The following NME7 variants were observed in gnomAD, a reference collection of about 807,000 sequenced individuals.
The protein encoded by NME7 is nucleoside diphosphate kinase 7.
Under a neutral mutation model 49.1 loss-of-function variants are expected in NME7, and 41 were observed. The ratio of observed to expected loss-of-function variants is 0.83; its 90% confidence interval spans 0.65 to 1.08. The LOEUF is 1.08. NME7 is among the 50% of genes least tolerant of loss of function. The pLI is 0.00. For missense variants in NME7, 423 were observed against 463.4 expected, an observed-to-expected ratio of 0.91 and a Z score of 0.80; for synonymous variants, 139 against 150.6, an observed-to-expected ratio of 0.92 and a Z score of 0.56.
At chr1:169,287,452 C>A (rs779012079) in intron 6 of NME7, 44 bp from the exon 7 acceptor site, 1 of 1,308,356 alleles carries the variant, frequency 7.6e-7, no homozygotes, top group African/African-American at 1.5e-5. Flanking sequence ...GATCTCTTAT[C>A]TTGAACTTAC....
At chr1:169,170,311 T>C (rs1659546017) in intron 10 of NME7, among the ~76,000 whole-genome samples, 2 of 152,056 alleles carry the variant, frequency 1.3e-5, no homozygotes, top group African/African-American at 4.8e-5. Flanking sequence ...GAGGCCAAGG[T>C]CGTAAGTGGG....
chr1:169,235,218 C>A lies in NME7; in HGVS notation c.820-19G>T, dbSNP rs1647810225. The A allele has an allele frequency of 2.9e-6, 4 of 1,396,306 alleles. No individual in the cohort carries two copies. The highest frequency in any genetic ancestry group is 3.9e-6 in the Non-Finnish European group (4 of 1,018,910). 86.5% of individuals were successfully genotyped at this position (1,396,306 alleles called of 1,614,324 possible). A position where few individuals can be genotyped will look rare whatever the true frequency, so the allele number is the denominator to read the frequency against. On this transcript the variant is annotated intron_variant, in intron 8 of 11. Coordinates refer to ENST00000367811, the MANE Select transcript of NME7 (RefSeq NM_013330.5). ...TATTGAACTATATTAAAAAATAAAA[C>A]AAAACAAAACCATAAACCAACCAAC...
At chr1:169,314,623 A>C (rs1375880427) in intron 3 of NME7, among the ~76,000 whole-genome samples, 1 of 152,138 alleles carries the variant, frequency 6.6e-6, no homozygotes, top group Non-Finnish European at 1.5e-5. Context: ...TATTTATAAA[A>C]AAATTTTTTT....
At chr1:169,325,100 C>T (rs1360904405) in intron 1 of NME7, among the ~76,000 whole-genome samples, 3 of 151,704 alleles carry the variant, frequency 2.0e-5, no homozygotes, top group Non-Finnish European at 4.4e-5. Flanking sequence ...AAGGAAAATT[C>T]CCGTAATATA....
At chr1:169,359,466 CTGTG>C (rs71557662) in intron 1 of NME7, among the ~76,000 whole-genome samples, 1 of 151,066 alleles carries the variant, frequency 6.6e-6, no homozygotes, top group Non-Finnish European at 1.5e-5. Flanking sequence ...ATATGTATCT[CTGTG>C]TGTGTGTGTA....
At position 169,303,130 on chromosome 1, in the gene NME7, A is replaced by C; in HGVS notation, c.440+15T>G. On this transcript the variant is annotated intron_variant, in intron 5 of 11. Coordinates refer to ENST00000367811, the MANE Select transcript of NME7 (RefSeq NM_013330.5). ...CCTCCTTTACATACCACTAATCCCCAAATTAAGGACCTACTTGAAAAAGGG... is the reference window on the plus strand; with the variant it reads ...CCTCCTTTACATACCACTAATCCCCCAATTAAGGACCTACTTGAAAAAGGG... 1 of 1,547,910 alleles carries C rather than the reference A, an allele frequency of 6.5e-7. No individual in the cohort carries two copies. The highest frequency in any genetic ancestry group is 1.2e-5 in the South Asian group (1 of 85,812).
intron 1 of NME7, among the ~76,000 whole-genome samples, chr1:169,334,935 CATTT>C (rs1358433306): frequency 6.6e-6 from 1 of 152,062 alleles, no homozygotes; most frequent in Non-Finnish European, 1.5e-5. Context: ...CAAAAGAAGA[CATTT>C]ATGTGGCCAA....
At chr1:169,227,231 C>A (rs181280271) in intron 10 of NME7, among the ~76,000 whole-genome samples, 5 of 152,158 alleles carry the variant, frequency 3.3e-5, no homozygotes, top group Non-Finnish European at 7.4e-5. Flanking sequence ...TCATTCCTTG[C>A]GCTGAACATT....
At chr1:169,327,508 G>T (rs1180439007) in intron 1 of NME7, among the ~76,000 whole-genome samples, 1 of 152,132 alleles carries the variant, frequency 6.6e-6, no homozygotes, top group African/African-American at 2.4e-5. Flanking sequence ...GGACAATGTG[G>T]TATTATTATA....
At chr1:169,354,057 AC>A (rs1653285944) in intron 1 of NME7, among the ~76,000 whole-genome samples, 1 of 152,112 alleles carries the variant, frequency 6.6e-6, no homozygotes, top group African/African-American at 2.4e-5. Context: ...CCGGGTCTAT[AC>A]CCAAAAGAAA....
rs1257346279 is a variant in NME7 at position 169,354,961 on chromosome 1, T to C, written c.3+12747A>G. ...ATGTATTATATATTATATATGTTTA[T>C]ATATAATATAATTATATATGTTTAT... On this transcript the variant is annotated intron_variant, in intron 1 of 11. Transcript: ENST00000367811. 1.5e-3 allele frequency among the ~76,000 whole-genome samples: 95 copies of C among 65,132 alleles called. 5 individuals carry two copies. The highest frequency in any genetic ancestry group is 5.0e-3 in the African/African-American group (90 of 17,844). The allele number at this position is 65,132 out of a possible 152,430, so 42.7% of individuals were successfully genotyped here.
chr1:169,333,263 T>G (rs1236527027), intron 1 of NME7, among the ~76,000 whole-genome samples: 1 of 151,742 alleles, frequency 6.6e-6, no homozygotes, highest in Non-Finnish European at 1.5e-5. Context: ...TGAAAAAAAA[T>G]TGAACTCATG....
intron 7 of NME7, among the ~76,000 whole-genome samples, chr1:169,279,603 G>C (rs530833547): frequency 1.3e-5 from 2 of 152,188 alleles, no homozygotes; most frequent in African/African-American, 2.4e-5. Context: ...CCCTTTCCTT[G>C]ACCAGGAAAG....
At position 169,324,421 on chromosome 1, in the gene NME7, A is replaced by G. The variant is rs780281594; in HGVS notation, c.83T>C (p.Phe28Ser). ...ASLLRRYELLFYPGDGSVEMH... is the reference protein window; with the variant it reads ...ASLLRRYELLSYPGDGSVEMH... Reference sequence around the variant, plus strand: ...TTCAACAGATCCATCCCCTGGGTAAAATAAAAGCTCATAACGTCGAAGAAG... The same window carrying G: ...TTCAACAGATCCATCCCCTGGGTAAGATAAAAGCTCATAACGTCGAAGAAG... Residue 28 changes from phenylalanine to serine, a missense_variant, in exon 2 of 12, where the codon TTT becomes TCT. Physicochemically the swap from Phe to Ser is radical, Grantham distance 155. Coordinates refer to ENST00000367811, the MANE Select transcript of NME7 (RefSeq NM_013330.5). 4.3e-6 allele frequency: 7 copies of G among 1,613,306 alleles called. No individual in the cohort carries two copies. In the Admixed American group the frequency reaches 1.2e-4, roughly 27 times the overall value.
At chr1:169,364,824 G>C (rs764692298) in intron 1 of NME7, among the ~76,000 whole-genome samples, 4 of 152,282 alleles carry the variant, frequency 2.6e-5, no homozygotes, top group Non-Finnish European at 5.9e-5. Context: ...AGCCTTGTAA[G>C]ACTAATAGAA....
chr1:169,336,703 C>G (rs1170255853), intron 1 of NME7, among the ~76,000 whole-genome samples: 1 of 151,032 alleles, frequency 6.6e-6, no homozygotes, highest in Non-Finnish European at 1.5e-5. Flanking sequence ...TCTCCAAGGC[C>G]CCACAAGAGC....
At chr1:169,143,078 C>A (rs951085795) in intron 11 of NME7, among the ~76,000 whole-genome samples, 3 of 152,050 alleles carry the variant, frequency 2.0e-5, no homozygotes, top group African/African-American at 7.2e-5. Flanking sequence ...CAAATCTATC[C>A]CAACCTGACC....
At chr1:169,339,040 T>G (rs1244507230) in intron 1 of NME7, among the ~76,000 whole-genome samples, 1 of 152,172 alleles carries the variant, frequency 6.6e-6, no homozygotes, top group Non-Finnish European at 1.5e-5. Flanking sequence ...AAGGTGGCTC[T>G]CCTAGTTCTG....
intron 11 of NME7, among the ~76,000 whole-genome samples, chr1:169,138,624 T>C (rs1048768569): frequency 1.3e-5 from 2 of 151,798 alleles, no homozygotes; most frequent in Non-Finnish European, 2.9e-5. Context: ...GAGGCTGAGG[T>C]GAGGGGATCA....
Sources: allele counts gnomAD v4.1 joint callset (sites outside exome capture counted in the v4.1 genomes callset), GRCh38; gene constraint gnomAD v4.1.1; transcripts MANE v1.5; gene names NCBI Gene and HGNC (gene_info 2026-07-23, HGNC 2026-07-21).